NEURL4: variants seen among roughly 807,000 people sequenced by gnomAD.
The protein encoded by NEURL4 is neuralized E3 ubiquitin protein ligase 4, also known as neuralized-like protein 4.
A neutral mutation model predicts 148.0 loss-of-function variants in NEURL4; 45 were observed. The observed-to-expected ratio is 0.30, with a 90% CI of 0.24 to 0.39. The LOEUF is 0.39. Ranked by LOEUF, NEURL4 falls within the 10% of genes least tolerant of loss-of-function variation. NEURL4 has a pLI of 1.00. For missense variants in NEURL4, 1,776 were observed against 2,144.0 expected (o/e 0.83, Z 3.39); for synonymous variants, 854 against 869.0 (o/e 0.98, Z 0.30).
rs751090965 is a variant in NEURL4, at chr17:7,317,223, G to A, written c.4466C>T (p.Thr1489Ile). 2.6e-6 allele frequency: 4 copies of A among 1,516,054 alleles called. No individual in the cohort carries two copies. The highest frequency in any genetic ancestry group is 2.6e-6 in the Non-Finnish European group (3 of 1,135,106). 93.9% of individuals were successfully genotyped at this position (1,516,054 alleles called of 1,614,324 possible). The change falls in exon 28 of 29, where the codon ACC becomes ATC. Residue 1489 changes from threonine (T) to isoleucine (I), a missense_variant. Coordinates refer to ENST00000399464, the MANE Select transcript of NEURL4 (RefSeq NM_032442.3). Reference sequence around the variant, plus strand: ...TACTCACTGCACTTTGGAGGCCAGGGTCTCCGCCCCAGCATATTGAAGGGA... The same window carrying A: ...TACTCACTGCACTTTGGAGGCCAGGATCTCCGCCCCAGCATATTGAAGGGA... ...SPSLQYAGAE[T>I]LASKVQFRDP...
chr17:7,316,146 C>CACAG lies in NEURL4; in HGVS notation c.4662_4665dup (p.Ala1556LeufsTer100). The CACAG allele has an allele frequency of 6.4e-7, 1 of 1,567,118 alleles. No individual in the cohort carries two copies. Among genetic ancestry groups the CACAG allele is most frequent in the Non-Finnish European group, 8.8e-7 (1 of 1,137,078 alleles). ...CCTCATTCCACCCGTACCAGCAGGGCACAGAGGAGTGTGGCCCCCTTCTCC... is the reference window on the plus strand; with the variant it reads ...CCTCATTCCACCCGTACCAGCAGGGCACAGACAGAGGAGTGTGGCCCCCTTCTCC... On this transcript the variant is annotated frameshift_variant, in exon 29 of 29. Coordinates refer to ENST00000399464, the MANE Select transcript of NEURL4 (RefSeq NM_032442.3). LOFTEE classifies it high-confidence loss of function.
At chr17:7,319,954 C>T (rs895529662) in intron 21 of NEURL4, among the ~76,000 whole-genome samples, 3 of 151,738 alleles carry the variant, frequency 2.0e-5, no homozygotes, top group Non-Finnish European at 2.9e-5. Flanking sequence ...CTCAGCCTCC[C>T]GAGTAGCTGG....
In NEURL4 at chr17:7,327,490, G is replaced by A. The variant is rs749035096; in HGVS notation, c.677C>T (p.Ala226Val). The A allele has an allele frequency of 1.9e-6, 3 of 1,582,676 alleles. No individual in the cohort carries two copies. Among genetic ancestry groups the A allele is most frequent in the South Asian group, 2.3e-5 (2 of 85,492 alleles). Residue 226 changes from alanine (A) to valine (V), a missense_variant, in exon 2 of 29, where the codon GCC becomes GTC. Physicochemically the swap from Ala to Val is moderately conservative, Grantham distance 64. Coordinates refer to ENST00000399464, the MANE Select transcript of NEURL4 (RefSeq NM_032442.3). This position sits in a 1 kb window ranked among gnomAD's most constrained non-coding sequence, Gnocchi z 6.6. Reference sequence around the variant, plus strand: ...AGCCAAGGCAGAGTCTTCAGTGGGGGCCAAGGGCTCGAGGGGAGGTGTGGG... The same window carrying A: ...AGCCAAGGCAGAGTCTTCAGTGGGGACCAAGGGCTCGAGGGGAGGTGTGGG... ...PIPTPPLEPL[A>V]PTEDSALAEQ... is the part of the protein sequence containing the mutation.
rs2073028740 is a variant in NEURL4 at position 7,321,224 on chromosome 17, A to G, written c.3248T>C (p.Ile1083Thr). ...DLYGPVRGVS[I>T]VSSTRLEESE... ...CTCCTCCAGTCTCGTGGAACTGACA[A>G]TTGACACACCGCGGACTGGCCCGTA... The change falls in exon 20 of 29, where the codon ATT (isoleucine) becomes ACT (threonine). Residue 1083 changes from isoleucine to threonine, a missense_variant. By Grantham distance (89) the Ile-to-Thr change is moderately conservative (BLOSUM62 -1). Transcript: ENST00000399464. This position sits in a 1 kb window ranked among gnomAD's most constrained non-coding sequence, Gnocchi z 6.3. The G allele has an allele frequency of 6.2e-7, 1 of 1,613,832 alleles. No individual in the cohort carries two copies. The highest frequency in any genetic ancestry group is 1.1e-5 in the South Asian group (1 of 91,080).
At position 7,316,005 on chromosome 17, in the gene NEURL4, C is replaced by G. The variant is rs1326395350; in HGVS notation, c.*118G>C. 3 of 704,108 alleles carry G rather than the reference C, an allele frequency of 4.3e-6. No homozygotes were observed. Among genetic ancestry groups the G allele is most frequent in the African/African-American group, 3.5e-5 (2 of 57,152 alleles). The allele number at this position is 704,108 out of a possible 1,614,324, so 43.6% of individuals were successfully genotyped here. Reference sequence around the variant, plus strand: ...AGCCTGCCTACATGCTCCTGCGCGGCTGCCAAGCTCCAGCACCTGCGCATG... The same window carrying G: ...AGCCTGCCTACATGCTCCTGCGCGGGTGCCAAGCTCCAGCACCTGCGCATG... On this transcript the variant is annotated 3_prime_UTR_variant, in exon 29 of 29. Coordinates refer to ENST00000399464, the MANE Select transcript of NEURL4 (RefSeq NM_032442.3).
In NEURL4 at chr17:7,316,287, C is replaced by T; in HGVS notation, c.4525G>A (p.Val1509Met). 6.2e-7 allele frequency: 1 copy of T among 1,613,266 alleles called. No homozygotes were observed. The change falls in exon 29 of 29, where the codon GTG (valine) becomes ATG (methionine). Residue 1509 changes from valine (V) to methionine (M), a missense_variant. Transcript: ENST00000399464. Reference protein sequence around the residue: ...PKSQRTHQAQVAFQVCVRPGS... With the variant: ...PKSQRTHQAQMAFQVCVRPGS... ...GGGCGCACACACACCTGGAACGCCA[C>T]CTGAGCCTGGTGCGTCCGCTGGGAT...
Position 7,317,512 on chromosome 17 carries a change from T to C in NEURL4, c.4267A>G (p.Ser1423Gly). 1.2e-6 allele frequency: 2 copies of C among 1,614,104 alleles called. No individual in the cohort carries two copies. Among genetic ancestry groups the C allele is most frequent in the Non-Finnish European group, 1.7e-6 (2 of 1,180,000 alleles). Reference protein sequence around the residue: ...TKKWHMAYHGSNVAAVRRVLD... With the variant: ...TKKWHMAYHGGNVAAVRRVLD... ...ACTCTCCGTACAGCGGCAACATTGC[T>C]CCCGTGATATGCCATGTGCCACTTC... The change falls in exon 27 of 29, where the codon AGC becomes GGC. Residue 1423 changes from serine to glycine, a missense_variant. Physicochemically the swap from Ser to Gly is moderately conservative, Grantham distance 56 (BLOSUM62 0). Coordinates refer to ENST00000399464, the MANE Select transcript of NEURL4 (RefSeq NM_032442.3).
Position 7,322,672 on chromosome 17 carries a change from C to T in NEURL4, c.2725+63G>A. The T allele has an allele frequency of 5.1e-6, 8 of 1,580,358 alleles. No homozygotes were observed. Among genetic ancestry groups the T allele is most frequent in the African/African-American group, 1.3e-5 (1 of 74,458 alleles). ...TTGCAGAACCTCTCTAACCTGGAAA[C>T]CCTACTCCTCAGGTGCACAGCAGGC... On this transcript the variant is annotated intron_variant, in intron 16 of 28. Coordinates refer to ENST00000399464, the MANE Select transcript of NEURL4 (RefSeq NM_032442.3). This position sits in a 1 kb window ranked among gnomAD's most constrained non-coding sequence, Gnocchi z 5.5.
Position 7,324,529 on chromosome 17 carries a change from C to G in NEURL4, c.1814-49G>C. The G allele has an allele frequency of 6.5e-7, 1 of 1,539,504 alleles. No individual in the cohort carries two copies. The highest frequency in any genetic ancestry group is 1.7e-4 in the Middle Eastern group (1 of 5,898). On this transcript the variant is annotated intron_variant, in intron 9 of 28. Coordinates refer to ENST00000399464, the MANE Select transcript of NEURL4 (RefSeq NM_032442.3). This position sits in a 1 kb window ranked among gnomAD's most constrained non-coding sequence, Gnocchi z 5.9. Reference sequence around the variant, plus strand: ...GGACATGAGGGGAAATGCAGGGCTCCTCTCCTTGCCACAGCAGCGCCCACA... The same window carrying G: ...GGACATGAGGGGAAATGCAGGGCTCGTCTCCTTGCCACAGCAGCGCCCACA...
At position 7,327,981 on chromosome 17, in the gene NEURL4, T is replaced by C. The variant is rs1297892776; in HGVS notation, c.283-97A>G. 3.3e-5 allele frequency: 32 copies of C among 968,972 alleles called. 1 individual carries two copies. In the East Asian group the frequency reaches 8.2e-4, roughly 25 times the overall value. 60.0% of individuals were successfully genotyped at this position (968,972 alleles called of 1,614,324 possible). A position where few individuals can be genotyped will look rare whatever the true frequency, so the allele number is the denominator to read the frequency against. The stretch of plus-strand genomic sequence containing the variant: ...CCTCTCAGACAGCTAGCTGGCTTTC[T>C]GTCTCTTGGAACACTAATCCAGAGA... On this transcript the variant is annotated intron_variant, in intron 1 of 28. Coordinates refer to ENST00000399464, the MANE Select transcript of NEURL4 (RefSeq NM_032442.3). The surrounding 1 kb of genome is among the most constrained non-coding windows in gnomAD (Gnocchi z 6.6).
rs766256473 is a variant in NEURL4 at position 7,327,786 on chromosome 17, C to T, written c.381G>A (p.Ser127=). 14 of 1,613,912 alleles carry T rather than the reference C, an allele frequency of 8.7e-6. No homozygotes were observed. Among genetic ancestry groups the T allele is most frequent in the South Asian group, 6.6e-5 (6 of 91,084 alleles). Residue 127 remains serine, a synonymous_variant, in exon 2 of 29, where the codon TCG becomes TCA. Coordinates refer to ENST00000399464, the MANE Select transcript of NEURL4 (RefSeq NM_032442.3). This position sits in a 1 kb window ranked among gnomAD's most constrained non-coding sequence, Gnocchi z 6.6. Reference sequence around the variant, plus strand: ...GCACAGAGCAGCCCGACACTACCCACGAGCCCCCCTTCAGGCCCGTGGCAC... The same window carrying T: ...GCACAGAGCAGCCCGACACTACCCATGAGCCCCCCTTCAGGCCCGTGGCAC... ...PSSATGLKGG[S]WVVSGCSVLR...
chr17:7,318,878 G>T lies in NEURL4; in HGVS notation c.3684+172C>A. ...CTCAATGGCAGGGACACCGCAGGAA[G>T]CAGCAGGCCTAAGACTGACCAGGCA... On this transcript the variant is annotated intron_variant, in intron 22 of 28. Transcript: ENST00000399464. The surrounding 1 kb of genome is among the most constrained non-coding windows in gnomAD (Gnocchi z 4.3). 1.1e-6 allele frequency: 1 copy of T among 906,560 alleles called. No homozygotes were observed. Among genetic ancestry groups the T allele is most frequent in the Non-Finnish European group, 1.6e-6 (1 of 607,990 alleles). 56.2% of individuals were successfully genotyped at this position (906,560 alleles called of 1,614,324 possible). A position where few individuals can be genotyped will look rare whatever the true frequency, so the allele number is the denominator to read the frequency against.
Position 7,322,728 on chromosome 17 carries a change from G to GC in NEURL4, c.2725+6dup. ...GAGCCCGTCCAGCCCCCGCCCTGCT[G>GC]CCGCACCTGGGGAGTGCAGTGGGAA... is the stretch of plus-strand genomic sequence containing the variant. On this transcript the variant is annotated splice_region_variant and intron_variant, in intron 16 of 28. Transcript: ENST00000399464. This position sits in a 1 kb window ranked among gnomAD's most constrained non-coding sequence, Gnocchi z 5.5. The GC allele has an allele frequency of 6.2e-7, 1 of 1,609,852 alleles. No homozygotes were observed. Among genetic ancestry groups the GC allele is most frequent in the Non-Finnish European group, 8.5e-7 (1 of 1,179,548 alleles).
chr17:7,319,709 C>CAAA lies in NEURL4; in HGVS notation c.3526-504_3526-502dup, dbSNP rs201718217. On this transcript the variant is annotated intron_variant, in intron 21 of 28. Transcript: ENST00000399464. ...GAGCTAAACTCCGTCTCAAAAAAAA[C>CAAA]AAAAAAACAAAAAAACAAAAAAAAA... is the stretch of plus-strand genomic sequence containing the variant. Among the ~76,000 whole-genome samples, 10 of 112,394 alleles carry CAAA rather than the reference C, an allele frequency of 8.9e-5. No individual in the cohort carries two copies. The South Asian group carries it at 1.3e-3, about 15-fold the overall frequency. 73.7% of individuals were successfully genotyped at this position (112,394 alleles called of 152,430 possible).
chr17:7,328,899 CTG>C, intron 1 of NEURL4, 130 bp downstream of exon 1: 2 of 818,286 alleles, frequency 2.4e-6, no homozygotes, highest in Non-Finnish European at 3.5e-6. Context: ...TGACCGCCCC[CTG>C]GTGCTCTATG....
chr17:7,327,672 A>C lies in NEURL4; in HGVS notation c.495T>G (p.Val165=). ...EGDRVGVERT[V]AGELRLWVNG... ...TCACCCAGAGCCGAAGCTCCCCAGC[A>C]ACTGTGCGCTCCACGCCCACGCGGT... Residue 165 remains valine, a synonymous_variant, in exon 2 of 29, where the codon GTT becomes GTG. Coordinates refer to ENST00000399464, the MANE Select transcript of NEURL4 (RefSeq NM_032442.3). This position sits in a 1 kb window ranked among gnomAD's most constrained non-coding sequence, Gnocchi z 6.6. The C allele has an allele frequency of 6.2e-7, 1 of 1,613,966 alleles. No individual in the cohort carries two copies. Among genetic ancestry groups the C allele is most frequent in the African/African-American group, 1.3e-5 (1 of 75,064 alleles).
At position 7,318,089 on chromosome 17, in the gene NEURL4, A is replaced by G; in HGVS notation, c.4036T>C (p.Phe1346Leu). 6.2e-7 allele frequency: 1 copy of G among 1,614,186 alleles called. No homozygotes were observed. Among genetic ancestry groups the G allele is most frequent in the Non-Finnish European group, 8.5e-7 (1 of 1,180,022 alleles). Reference protein sequence around the residue: ...SCEYHALCSRFQELLLLPEDY... With the variant: ...SCEYHALCSRLQELLLLPEDY... ...CCGGGAAGCAGCAGGAGTTCTTGGA[A>G]GCGAGAGCAAAGGGCATGGTACTCG... The change falls in exon 25 of 29, where the codon TTC becomes CTC. Residue 1346 changes from phenylalanine to leucine, a missense_variant. Phe to Leu is a conservative substitution (Grantham distance 22, BLOSUM62 0). Coordinates refer to ENST00000399464, the MANE Select transcript of NEURL4 (RefSeq NM_032442.3). This position sits in a 1 kb window ranked among gnomAD's most constrained non-coding sequence, Gnocchi z 4.3.
Position 7,323,120 on chromosome 17 carries a change from A to G in NEURL4, c.2421T>C (p.Gly807=). Residue 807 remains glycine (G), a synonymous_variant, in exon 15 of 29, where the codon GGT becomes GGC. Coordinates refer to ENST00000399464, the MANE Select transcript of NEURL4 (RefSeq NM_032442.3). Reference sequence around the variant, plus strand: ...TGTTACCGTCTTGCATGATGGCTGTACCACTGGGGGGATGGCAGAAGGGGT... The same window carrying G: ...TGTTACCGTCTTGCATGATGGCTGTGCCACTGGGGGGATGGCAGAAGGGGT... ...DIDYDTWMLS[G]TAIMQDGNTM... The G allele has an allele frequency of 6.2e-7, 1 of 1,609,802 alleles. No homozygotes were observed. Among genetic ancestry groups the G allele is most frequent in the Non-Finnish European group, 8.5e-7 (1 of 1,176,912 alleles).
chr17:7,320,566 C>CTCACCAA (rs2073018118), intron 21 of NEURL4, among the ~76,000 whole-genome samples, 193 bp downstream of exon 21: 1 of 152,158 alleles, frequency 6.6e-6, no homozygotes, highest in South Asian at 2.1e-4. Flanking sequence ...TACTGCTTCC[C>CTCACCAA]TCACCAATCA....
Sources: gnomAD v4.1 joint callset for allele counts (sites outside exome capture counted in the v4.1 genomes callset) on GRCh38, gnomAD v4.1.1 for gene constraint, Gnocchi (gnomAD v3.1) non-coding constraint, MANE v1.5 for transcripts, NCBI Gene and HGNC (gene_info 2026-07-23, HGNC 2026-07-21) for gene names.